The following PCCA variants were observed in gnomAD, a reference collection of about 807,000 sequenced individuals.
PCCA encodes propionyl-CoA carboxylase subunit alpha.
A neutral mutation model predicts 101.3 loss-of-function variants in PCCA; 74 were observed. The observed-to-expected ratio is 0.73, with a 90% CI of 0.61 to 0.89. The LOEUF (loss-of-function observed/expected upper bound fraction) is 0.89. Among genes scored for constraint, PCCA ranks in the 40% least tolerant of loss-of-function variants. PCCA has a pLI of 0.00. For missense variants in PCCA, 891 were observed against 907.0 expected, an observed-to-expected ratio of 0.98 and a Z score of 0.23; for synonymous variants, 294 against 313.6, an observed-to-expected ratio of 0.94 and a Z score of 0.66.
intron 21 of PCCA, among the ~76,000 whole-genome samples, chr13:100,501,131 A>T (rs1242939442): frequency 6.6e-6 from 1 of 152,194 alleles, no homozygotes; most frequent in Non-Finnish European, 1.5e-5. Flanking sequence ...AACCTGAGCA[A>T]CAGAGTGAGA....
chr13:100,251,685 G>T (rs1594935319), intron 8 of PCCA, among the ~76,000 whole-genome samples: 1 of 152,112 alleles, frequency 6.6e-6, no homozygotes, highest in African/African-American at 2.4e-5. Context: ...AAGAAAAAAT[G>T]GCATACTTTC....
chr13:100,353,291 A>G (rs1053560913), intron 18 of PCCA, among the ~76,000 whole-genome samples: 2 of 152,206 alleles, frequency 1.3e-5, no homozygotes, highest in African/African-American at 4.8e-5. Context: ...CATCTCTAGA[A>G]TAATCTCTCC....
chr13:100,333,350 A>G (rs765097839), intron 17 of PCCA, among the ~76,000 whole-genome samples: 8 of 152,214 alleles, frequency 5.3e-5, no homozygotes, highest in Non-Finnish European at 1.0e-4. Flanking sequence ...GGGGTTTCCC[A>G]TCTGCTTCCC....
chr13:100,132,270 C>CCATTACCCCTCAGACTACCTTGTGAGT (rs2050596632), intron 4 of PCCA, among the ~76,000 whole-genome samples: 1 of 133,798 alleles, frequency 7.5e-6, no homozygotes, highest in East Asian at 2.1e-4. Context: ...CAGAGTAGTT[C>CCATTACCCCTCAGACTACCTTGTGAGT]CATTACCCCT....
intron 19 of PCCA, among the ~76,000 whole-genome samples, chr13:100,383,099 G>C (rs1332629662): frequency 2.0e-5 from 3 of 151,974 alleles, no homozygotes; most frequent in Non-Finnish European, 4.4e-5. Context: ...GCATGGGGGA[G>C]AGCACCTCAG....
intron 16 of PCCA, among the ~76,000 whole-genome samples, chr13:100,314,104 G>A (rs1325319402): frequency 3.3e-5 from 5 of 152,094 alleles, no homozygotes; most frequent in African/African-American, 9.7e-5. Context: ...AAGTGTTAAC[G>A]TTGGTTCACT....
chr13:100,155,148 C>A, intron 5 of PCCA, 56 bp downstream of exon 5: 1 of 1,139,446 alleles, frequency 8.8e-7, no homozygotes, highest in Non-Finnish European at 1.3e-6. Context: ...GAGCAGAAAG[C>A]TAGAGTTTGT....
At chr13:100,314,373 G>T (rs146468167) in intron 16 of PCCA, among the ~76,000 whole-genome samples, 65 of 152,138 alleles carry the variant, frequency 4.3e-4, no homozygotes, top group African/African-American at 1.5e-3. Flanking sequence ...CCTTGTCCTT[G>T]GGTTTTTATG....
At chr13:100,496,453 G>A (rs2085284830) in intron 21 of PCCA, among the ~76,000 whole-genome samples, 1 of 151,838 alleles carries the variant, frequency 6.6e-6, no homozygotes, top group African/African-American at 2.4e-5. Context: ...TTCATTTGGT[G>A]TTTCCTCACA....
chr13:100,216,385 A>G (rs1208166426), intron 7 of PCCA, among the ~76,000 whole-genome samples: 1 of 152,240 alleles, frequency 6.6e-6, no homozygotes, highest in Non-Finnish European at 1.5e-5. Context: ...ATGGTGTAGT[A>G]GGGAGCTTAG....
intron 2 of PCCA, among the ~76,000 whole-genome samples, chr13:100,104,853 G>A (rs1304368783): frequency 2.6e-5 from 4 of 151,884 alleles, no homozygotes; most frequent in African/African-American, 9.7e-5. Context: ...ACAGGTGTAC[G>A]TCACCATGCC....
intron 16 of PCCA, among the ~76,000 whole-genome samples, chr13:100,325,768 C>G (rs1335458122): frequency 6.6e-6 from 1 of 152,040 alleles, no homozygotes; most frequent in Non-Finnish European, 1.5e-5. Flanking sequence ...CAATGAGAAC[C>G]CTTTTTCTGG....
chr13:100,515,451 C>G lies in PCCA; in HGVS notation c.1924C>G (p.Leu642Val). The stretch of plus-strand genomic sequence containing the variant: ...GTACAAGGTGAATATCTTAACCAGA[C>G]TTGCCGCAGAATTGAACAAATTTAT... ...TVYKVNILTR[L>V]AAELNKFMLE... Residue 642 changes from leucine to valine, a missense_variant, in exon 22 of 24, where the codon CTT becomes GTT. By Grantham distance (32) the Leu-to-Val change is conservative. Transcript: ENST00000376285. 6.2e-7 allele frequency: 1 copy of G among 1,614,122 alleles called. No homozygotes were observed. Among genetic ancestry groups the G allele is most frequent in the Non-Finnish European group, 8.5e-7 (1 of 1,179,966 alleles).
rs982241250 is a variant in PCCA at position 100,262,900 on chromosome 13, C to A, written c.819+69C>A. ...TATCATTTAATCCTATTGGAATTAT[C>A]TTTTCTTCCATTTAGAATGATTGTG... On this transcript the variant is annotated intron_variant, in intron 10 of 23. Transcript: ENST00000376285. 1.0e-4 allele frequency: 77 copies of A among 744,726 alleles called. No individual in the cohort carries two copies. In the African/African-American group the frequency reaches 1.2e-3, roughly 12 times the overall value. The allele number at this position is 744,726 out of a possible 1,614,324, so 46.1% of individuals were successfully genotyped here.
intron 20 of PCCA, among the ~76,000 whole-genome samples, chr13:100,446,799 A>AC (rs1202894687): frequency 1.3e-5 from 2 of 152,124 alleles, no homozygotes; most frequent in Non-Finnish European, 2.9e-5. Context: ...CCTAGAAATA[A>AC]GTTTTATGTG....
At chr13:100,167,662 T>G (rs1176994968) in intron 6 of PCCA, among the ~76,000 whole-genome samples, 1 of 152,230 alleles carries the variant, frequency 6.6e-6, no homozygotes, top group Non-Finnish European at 1.5e-5. Context: ...GTTTTAGATC[T>G]CTGATCAATT....
rs150853293 is a variant in PCCA at position 100,113,435 on chromosome 13, A to G, written c.300+1374A>G. Among the ~76,000 whole-genome samples the G allele has an allele frequency of 2.4e-3, 371 of 152,316 alleles. 4 individuals are homozygous for G. The highest frequency in any genetic ancestry group is 8.3e-3 in the African/African-American group (346 of 41,562). ...GGCCTAGGACATTACCGTCACTACT[A>G]TAGACTTCATAAACACTGTATACTT... is the stretch of plus-strand genomic sequence containing the variant. On this transcript the variant is annotated intron_variant, in intron 4 of 23. Transcript: ENST00000376285.
intron 21 of PCCA, among the ~76,000 whole-genome samples, chr13:100,458,893 G>GTTT (rs2081986326): frequency 6.6e-6 from 1 of 152,144 alleles, no homozygotes. Flanking sequence ...TCCTAGGGCT[G>GTTT]ATGCAACAGA....
intron 8 of PCCA, among the ~76,000 whole-genome samples, chr13:100,250,343 A>G (rs1340636707): frequency 6.6e-6 from 1 of 152,094 alleles, no homozygotes; most frequent in African/African-American, 2.4e-5. Context: ...TTAGCCTGTT[A>G]ATGTGATGGA....
Sources: allele counts gnomAD v4.1 joint callset (sites outside exome capture counted in the v4.1 genomes callset), GRCh38; gene constraint gnomAD v4.1.1; transcripts MANE v1.5; gene names NCBI Gene and HGNC (gene_info 2026-07-23, HGNC 2026-07-21).